Variants in DRC9 observed in about 807,000 individuals in gnomAD.
DRC9 encodes the protein dynein regulatory complex protein 9.
the DRC9 span, chr3:197,914,041 C>T: frequency 1.8e-5 from 29 of 1,613,608 alleles, no homozygotes; most frequent in African/African-American, 2.7e-5. Context: ...CTCATTCTGA[C>T]TCTGTAGTGG....
chr3:197,955,437 A>AT, the DRC9 span, among the ~76,000 whole-genome samples: 1 of 151,018 alleles, frequency 6.6e-6, no homozygotes, highest in African/African-American at 2.4e-5. Context: ...TGATTTTTGT[A>AT]TTTTTTAGTA....
the DRC9 span, among the ~76,000 whole-genome samples, chr3:197,928,341 CT>C: frequency 0.31 from 39,983 of 130,304 alleles, 4,523 homozygotes; most frequent in African/African-American, 0.55. Context: ...TCTGTTCCCT[CT>C]TTTTTTTTTT....
the DRC9 span, among the ~76,000 whole-genome samples, chr3:197,943,366 A>G: frequency 3.3e-5 from 5 of 152,222 alleles, no homozygotes; most frequent in African/African-American, 1.2e-4. Context: ...TTGAGAGTGC[A>G]TATCTCAGAT....
the DRC9 span, chr3:197,889,534 C>T: frequency 1.9e-6 from 3 of 1,611,462 alleles, no homozygotes; most frequent in Non-Finnish European, 2.5e-6. Context: ...TCTCCAAGTC[C>T]TTCCCACCTC....
At chr3:197,890,815 A>AACTT in the DRC9 span, among the ~76,000 whole-genome samples, 1 of 152,180 alleles carries the variant, frequency 6.6e-6, no homozygotes, top group East Asian at 1.9e-4. Flanking sequence ...TGTGGTATAA[A>AACTT]ACTTAACTAT....
the DRC9 span, among the ~76,000 whole-genome samples, chr3:197,935,240 A>G: frequency 6.6e-6 from 1 of 152,186 alleles, no homozygotes; most frequent in South Asian, 2.1e-4. Flanking sequence ...CGGGAGTTCG[A>G]GATCAGCCTG....
At chr3:197,898,107 T>TGAGA in the DRC9 span, among the ~76,000 whole-genome samples, 1 of 152,108 alleles carries the variant, frequency 6.6e-6, no homozygotes, top group African/African-American at 2.4e-5. Context: ...TTTCACATTC[T>TGAGA]GAGACCACAA....
At chr3:197,904,007 CATATATATATACATACAT>C in the DRC9 span, among the ~76,000 whole-genome samples, 8 of 94,276 alleles carry the variant, frequency 8.5e-5, no homozygotes, top group African/African-American at 4.0e-4. Context: ...TATATACATA[CATATATATATACATACAT>C]ATATATATAC....
At chr3:197,904,332 G>A in the DRC9 span, among the ~76,000 whole-genome samples, 2 of 151,902 alleles carry the variant, frequency 1.3e-5, no homozygotes, top group Non-Finnish European at 2.9e-5. Context: ...ATCCTGGTAC[G>A]GTATTGGTTG....
the DRC9 span, among the ~76,000 whole-genome samples, chr3:197,931,566 C>G: frequency 2.6e-5 from 4 of 152,106 alleles, no homozygotes; most frequent in African/African-American, 9.6e-5. Flanking sequence ...AAAAACTTTC[C>G]TTGGCATTCA....
At chr3:197,945,912 A>G in the DRC9 span, among the ~76,000 whole-genome samples, 1 of 152,232 alleles carries the variant, frequency 6.6e-6, no homozygotes, top group Non-Finnish European at 1.5e-5. Flanking sequence ...CAAACTCAAG[A>G]CACATGCACT....
chr3:197,904,336 T>C, the DRC9 span, among the ~76,000 whole-genome samples: 17 of 152,134 alleles, frequency 1.1e-4, no homozygotes, highest in East Asian at 3.1e-3. Flanking sequence ...TGGTACGGTA[T>C]TGGTTGGTGG....
the DRC9 span, among the ~76,000 whole-genome samples, chr3:197,941,158 CCTT>C: frequency 1.4e-5 from 2 of 143,022 alleles, no homozygotes; most frequent in African/African-American, 5.2e-5. Context: ...CTCCCTCCCT[CCTT>C]CCTCTCTCTC....
At chr3:197,912,128 C>T in the DRC9 span, among the ~76,000 whole-genome samples, 1 of 151,914 alleles carries the variant, frequency 6.6e-6, no homozygotes, top group Admixed American at 6.6e-5. Context: ...GCATCCTCTG[C>T]CTCCCAGGTT....
the DRC9 span, among the ~76,000 whole-genome samples, chr3:197,918,815 T>G: frequency 2.0e-5 from 3 of 152,128 alleles, no homozygotes; most frequent in African/African-American, 7.2e-5. Context: ...TGTTTTTTAT[T>G]GTTGTTGTTT....
the DRC9 span, among the ~76,000 whole-genome samples, chr3:197,941,674 T>C: frequency 1.3e-5 from 2 of 149,156 alleles, no homozygotes; most frequent in Admixed American, 6.8e-5. Flanking sequence ...GATCCTCCCA[T>C]ATCAGCCTCC....
the DRC9 span, among the ~76,000 whole-genome samples, chr3:197,911,470 T>TA: frequency 2.0e-5 from 3 of 150,238 alleles, no homozygotes; most frequent in Admixed American, 6.6e-5. Flanking sequence ...AACCTAAATA[T>TA]AAAAAAAAAG....
the DRC9 span, among the ~76,000 whole-genome samples, chr3:197,933,012 T>C: frequency 7.1e-6 from 1 of 141,710 alleles, no homozygotes; most frequent in Non-Finnish European, 1.5e-5. Flanking sequence ...ATGTATAATA[T>C]ATATTAATAT....
the DRC9 span, among the ~76,000 whole-genome samples, chr3:197,941,355 T>TCCTTCC: frequency 1.3e-5 from 1 of 77,374 alleles, no homozygotes; most frequent in Non-Finnish European, 2.3e-5. Context: ...GTCTCTTTCT[T>TCCTTCC]TCCCTTCCTT....
Sources: allele counts gnomAD v4.1 joint callset (sites outside exome capture counted in the v4.1 genomes callset), GRCh38; gene constraint gnomAD v4.1.1; transcripts MANE v1.5; gene names NCBI Gene and HGNC (gene_info 2026-07-23, HGNC 2026-07-21).